The following CCDC83 variants were observed in gnomAD, a reference collection of about 807,000 sequenced individuals.
The protein encoded by CCDC83 is coiled-coil domain containing 83.
CCDC83 carries 54 observed loss-of-function variants against 50.1 expected under a neutral mutation model. The ratio of observed to expected loss-of-function variants is 1.08; its 90% CI spans 0.87 to 1.35. CCDC83 has a LOEUF of 1.35. CCDC83 is among the 40% of genes most tolerant of loss of function. The pLI is 0.00. For missense variants in CCDC83, 518 were observed against 473.9 expected (o/e 1.09, Z -0.86); for synonymous variants, 161 against 153.3 (o/e 1.05, Z -0.37).
chr11:85,880,146 C>T (rs1160305552), intron 3 of CCDC83, among the ~76,000 whole-genome samples: 1 of 152,100 alleles, frequency 6.6e-6, no homozygotes, highest in African/African-American at 2.4e-5. Flanking sequence ...CCCCCTGACC[C>T]AAAGAAAACT....
chr11:85,899,056 AT>A, intron 7 of CCDC83, 41 bp downstream of exon 7: 3 of 1,455,438 alleles, frequency 2.1e-6, no homozygotes, highest in Non-Finnish European at 1.9e-6. Context: ...CTTCGTTCTC[AT>A]TTTTTTAAGT....
chr11:85,875,651 A>G (rs1566074229), intron 3 of CCDC83, among the ~76,000 whole-genome samples: 1 of 152,244 alleles, frequency 6.6e-6, no homozygotes, highest in African/African-American at 2.4e-5. Flanking sequence ...CAGCTTAAGT[A>G]GGTGTTCAAT....
chr11:85,859,918 C>T (rs2093165455), intron 1 of CCDC83, among the ~76,000 whole-genome samples: 1 of 152,138 alleles, frequency 6.6e-6, no homozygotes, highest in Non-Finnish European at 1.5e-5. Context: ...AGCCATGCAT[C>T]CAACAAAGGT....
chr11:85,893,005 G>A (rs1300787024), intron 5 of CCDC83, among the ~76,000 whole-genome samples: 1 of 152,100 alleles, frequency 6.6e-6, no homozygotes, highest in East Asian at 1.9e-4. Context: ...GGCAGAAACT[G>A]CCCTCTCCTG....
chr11:85,900,626 CA>C (rs1308507517), intron 7 of CCDC83, among the ~76,000 whole-genome samples: 1 of 152,136 alleles, frequency 6.6e-6, no homozygotes, highest in East Asian at 1.9e-4. Flanking sequence ...CAAGGACCAC[CA>C]GGCATTTGAG....
intron 1 of CCDC83, among the ~76,000 whole-genome samples, chr11:85,856,089 T>A (rs1406990491): frequency 1.3e-5 from 2 of 151,490 alleles, no homozygotes; most frequent in African/African-American, 4.9e-5. Flanking sequence ...GCCATGTTGT[T>A]GCCTCACTCC....
chr11:85,866,061 C>T (rs1592138176), intron 2 of CCDC83, among the ~76,000 whole-genome samples: 1 of 152,140 alleles, frequency 6.6e-6, no homozygotes, highest in Admixed American at 6.5e-5. Context: ...TAATGTCTCA[C>T]TCCTAGGAGC....
chr11:85,909,292 G>T (rs7934101), intron 7 of CCDC83, among the ~76,000 whole-genome samples: 2,985 of 152,240 alleles, frequency 0.02, 95 homozygotes, highest in African/African-American at 0.068. Flanking sequence ...TACACTCTTG[G>T]CAGCTTCTGA....
At chr11:85,909,922 T>C (rs1423571597) in intron 7 of CCDC83, among the ~76,000 whole-genome samples, 1 of 152,210 alleles carries the variant, frequency 6.6e-6, no homozygotes, top group Non-Finnish European at 1.5e-5. Flanking sequence ...ATCAATGACC[T>C]TCCATCACCT....
At chr11:85,864,577 T>C (rs1245784768) in intron 1 of CCDC83, among the ~76,000 whole-genome samples, 1 of 152,206 alleles carries the variant, frequency 6.6e-6, no homozygotes, top group African/African-American at 2.4e-5. Flanking sequence ...TAAAAGTACT[T>C]CAATGTGTGC....
chr11:85,862,146 GA>G (rs977619860), intron 1 of CCDC83, among the ~76,000 whole-genome samples: 1 of 151,898 alleles, frequency 6.6e-6, no homozygotes, highest in African/African-American at 2.4e-5. Flanking sequence ...AACTACATAT[GA>G]AAAAAATGAT....
Position 85,915,516 on chromosome 11 carries a change from T to A in CCDC83, c.874+18T>A. On this transcript the variant is annotated intron_variant, in intron 9 of 10. Coordinates refer to ENST00000342404, the MANE Select transcript of CCDC83 (RefSeq NM_001286159.2). ...ACATATAGGTATTACTTTATTGCAATAATGATGATGATTTTTTTCAAACTC... is the reference window on the plus strand; with the variant it reads ...ACATATAGGTATTACTTTATTGCAAAAATGATGATGATTTTTTTCAAACTC... 6.5e-7 allele frequency: 1 copy of A among 1,544,176 alleles called. No individual in the cohort carries two copies. The highest frequency in any genetic ancestry group is 8.9e-7 in the Non-Finnish European group (1 of 1,129,606).
chr11:85,873,836 G>A (rs1445504), intron 3 of CCDC83, among the ~76,000 whole-genome samples: 21,313 of 152,110 alleles, frequency 0.14, 1,805 homozygotes, highest in Middle Eastern at 0.2. Flanking sequence ...TAAAGTTTGG[G>A]AGCAATCAAT....
intron 2 of CCDC83, among the ~76,000 whole-genome samples, chr11:85,865,899 G>GAA (rs766010816): frequency 2.4e-4 from 26 of 109,620 alleles, no homozygotes; most frequent in African/African-American, 8.7e-4. Flanking sequence ...GTTCCATCTC[G>GAA]AAAAAAAAAA....
At chr11:85,867,553 TTAAC>T (rs2093214596) in intron 2 of CCDC83, among the ~76,000 whole-genome samples, 1 of 152,182 alleles carries the variant, frequency 6.6e-6, no homozygotes, top group Non-Finnish European at 1.5e-5. Flanking sequence ...TGAAATAACA[TTAAC>T]TAATAACTAG....
chr11:85,901,008 T>C (rs1033530290), intron 7 of CCDC83, among the ~76,000 whole-genome samples: 34 of 150,506 alleles, frequency 2.3e-4, no homozygotes, highest in African/African-American at 7.8e-4. Flanking sequence ...GAGGTTGCAA[T>C]GAGCCAACAT....
chr11:85,865,056 G>T, intron 1 of CCDC83, 40 bp from the exon 2 acceptor site: 1 of 1,005,224 alleles, frequency 9.9e-7, no homozygotes, highest in South Asian at 1.3e-5. Context: ...GGGAGGCAAA[G>T]ATGGAATTTT....
intron 2 of CCDC83, among the ~76,000 whole-genome samples, chr11:85,871,000 C>G (rs2093234068): frequency 6.6e-6 from 1 of 152,072 alleles, no homozygotes; most frequent in Non-Finnish European, 1.5e-5. Context: ...AACCTCGTCT[C>G]TGCAAAAAAT....
intron 4 of CCDC83, among the ~76,000 whole-genome samples, chr11:85,883,596 A>G (rs773260414): frequency 4.6e-5 from 7 of 152,130 alleles, no homozygotes; most frequent in Non-Finnish European, 1.0e-4. Flanking sequence ...ACACATTTTG[A>G]AATTCCTATT....
Sources: allele counts gnomAD v4.1 joint callset (sites outside exome capture counted in the v4.1 genomes callset), GRCh38; gene constraint gnomAD v4.1.1; transcripts MANE v1.5; gene names NCBI Gene and HGNC (gene_info 2026-07-23, HGNC 2026-07-21).